CUX2: variants seen among roughly 807,000 people sequenced by gnomAD.
The protein encoded by CUX2 is homeobox protein cut-like 2.
A neutral mutation model predicts 144.8 loss-of-function variants in CUX2; 40 were observed. The ratio of observed to expected loss-of-function variants is 0.28; its 90% confidence interval spans 0.21 to 0.36. The LOEUF (loss-of-function observed/expected upper bound fraction) is 0.36. CUX2 is among the 10% of genes least tolerant of loss of function. The pLI is 1.00. For missense variants in CUX2, 1,615 were observed against 1,994.0 expected, an observed-to-expected ratio of 0.81 and a Z score of 3.62; for synonymous variants, 827 against 875.6, an observed-to-expected ratio of 0.94 and a Z score of 0.98.
intron 1 of CUX2, among the ~76,000 whole-genome samples, chr12:111,079,372 C>T (rs573119116): frequency 1.3e-5 from 2 of 152,220 alleles, no homozygotes; most frequent in East Asian, 1.9e-4. Context: ...CAGCATGGAC[C>T]TGTGGTGGCC....
chr12:111,292,317 T>G (rs983961820), intron 5 of CUX2, among the ~76,000 whole-genome samples: 1 of 151,822 alleles, frequency 6.6e-6, no homozygotes, highest in Non-Finnish European at 1.5e-5. Context: ...GCTGGCCAGG[T>G]GCAGTGGCTC....
At chr12:111,204,100 G>A (rs1199697929) in intron 1 of CUX2, among the ~76,000 whole-genome samples, 1 of 152,204 alleles carries the variant, frequency 6.6e-6, no homozygotes. Flanking sequence ...CCAGAGAGAG[G>A]TGATGCCCTG....
rs537655395 is a variant in CUX2, at chr12:111,294,233, G to A, written c.560+664G>A. Among the ~76,000 whole-genome samples the A allele has an allele frequency of 5.9e-5, 9 of 152,198 alleles. No homozygotes were observed. The South Asian group carries it at 1.2e-3, about 21-fold the overall frequency. ...AGCAATTCTCCTGCCTCAGCCTCCC[G>A]AGTAGCTGGGATTACAGGTGTGCAC... is the stretch of plus-strand genomic sequence containing the variant. On this transcript the variant is annotated intron_variant, in intron 6 of 21. Coordinates refer to ENST00000261726, the MANE Select transcript of CUX2 (RefSeq NM_015267.4).
intron 1 of CUX2, among the ~76,000 whole-genome samples, chr12:111,133,952 C>T (rs1443884609): frequency 3.3e-5 from 5 of 152,194 alleles, no homozygotes; most frequent in African/African-American, 1.2e-4. Context: ...TTCAGGGTTC[C>T]ATTCCATCAC....
At chr12:111,303,628 C>T (rs1164168463) in intron 9 of CUX2, among the ~76,000 whole-genome samples, 1 of 148,494 alleles carries the variant, frequency 6.7e-6, no homozygotes, top group Non-Finnish European at 1.5e-5. Flanking sequence ...AAGAGTGAGA[C>T]TCCATCTCAA....
intron 3 of CUX2, among the ~76,000 whole-genome samples, chr12:111,236,244 C>T (rs539758520): frequency 6.6e-6 from 1 of 152,268 alleles, no homozygotes; most frequent in African/African-American, 2.4e-5. Flanking sequence ...TCGTGCTGAA[C>T]CAACAGATTC....
chr12:111,175,028 C>CA (rs911274437), intron 1 of CUX2, among the ~76,000 whole-genome samples: 2 of 152,172 alleles, frequency 1.3e-5, no homozygotes, highest in Non-Finnish European at 2.9e-5. Flanking sequence ...AGCTCCCCCC[C>CA]ACACACAGAA....
chr12:111,314,596 C>T (rs779662744), intron 16 of CUX2, among the ~76,000 whole-genome samples: 3 of 138,824 alleles, frequency 2.2e-5, no homozygotes, highest in Non-Finnish European at 4.6e-5. Context: ...GCGGAGATCA[C>T]ACCACTACAC....
intron 4 of CUX2, among the ~76,000 whole-genome samples, chr12:111,278,995 G>A (rs1246285742): frequency 1.3e-5 from 2 of 152,192 alleles, no homozygotes; most frequent in Non-Finnish European, 1.5e-5. Flanking sequence ...AGGGAAGGTG[G>A]GAAGAAATGA....
At chr12:111,235,251 G>T (rs1418836329) in intron 3 of CUX2, among the ~76,000 whole-genome samples, 2 of 152,170 alleles carry the variant, frequency 1.3e-5, no homozygotes, top group African/African-American at 2.4e-5. Context: ...CAGGACACCA[G>T]GGTCCTGAAT....
At chr12:111,212,173 T>A (rs531743264) in intron 1 of CUX2, among the ~76,000 whole-genome samples, 1 of 152,300 alleles carries the variant, frequency 6.6e-6, no homozygotes, top group African/African-American at 2.4e-5. Context: ...ATATTTCGGT[T>A]GTGGTCAGTT....
intron 18 of CUX2, among the ~76,000 whole-genome samples, chr12:111,330,686 CATATATATATATATATATATAT>C (rs57018141): frequency 0.016 from 948 of 59,212 alleles, 21 homozygotes; most frequent in Non-Finnish European, 0.024. Flanking sequence ...AATACATATA[CATATATATATATATATATATAT>C]ATATATATAT....
At chr12:111,269,937 T>C (rs541196341) in intron 4 of CUX2, among the ~76,000 whole-genome samples, 1 of 152,206 alleles carries the variant, frequency 6.6e-6, no homozygotes, top group Non-Finnish European at 1.5e-5. Flanking sequence ...ACAAGGAGCC[T>C]TAACTGATGG....
intron 18 of CUX2, among the ~76,000 whole-genome samples, chr12:111,331,089 G>A (rs1888102241): frequency 6.6e-6 from 1 of 151,758 alleles, no homozygotes; most frequent in South Asian, 2.1e-4. Flanking sequence ...GGGAGTGAGG[G>A]AAATGCTGTA....
chr12:111,202,622 C>T (rs1416841854), intron 1 of CUX2, among the ~76,000 whole-genome samples: 1 of 152,168 alleles, frequency 6.6e-6, no homozygotes. Flanking sequence ...TGCCAAGCAT[C>T]GGGACACAGC....
At chr12:111,264,387 G>A (rs1884276982) in intron 4 of CUX2, among the ~76,000 whole-genome samples, 1 of 152,192 alleles carries the variant, frequency 6.6e-6, no homozygotes, top group Non-Finnish European at 1.5e-5. Context: ...ATGGATGGAT[G>A]CATAAACAAA....
At chr12:111,135,491 A>G (rs1875818710) in intron 1 of CUX2, among the ~76,000 whole-genome samples, 2 of 152,212 alleles carry the variant, frequency 1.3e-5, no homozygotes, top group East Asian at 1.9e-4. Flanking sequence ...AATATACCCA[A>G]AAAAATTGAA....
At chr12:111,081,235 A>C (rs1871869794) in intron 1 of CUX2, among the ~76,000 whole-genome samples, 1 of 152,182 alleles carries the variant, frequency 6.6e-6, no homozygotes, top group South Asian at 2.1e-4. Flanking sequence ...CCCCTCTGGG[A>C]GTCCAGCTTT....
Position 111,034,336 on chromosome 12 carries a change from T to A in CUX2, c.63+96T>A. On this transcript the variant is annotated intron_variant, in intron 1 of 21. Transcript: ENST00000261726. The surrounding 1 kb of genome is among the most constrained non-coding windows in gnomAD (Gnocchi z 4.2). The stretch of plus-strand genomic sequence containing the variant: ...TCCCCGGGCGGGCAGGCGGACGCCC[T>A]GGGGCGGCGGGCGGCGGCTGCCGGG... The A allele has an allele frequency of 1.5e-6, 1 of 666,246 alleles. No homozygotes were observed. The highest frequency in any genetic ancestry group is 1.9e-6 in the Non-Finnish European group (1 of 531,442). The allele number at this position is 666,246 out of a possible 1,614,324, so 41.3% of individuals were successfully genotyped here.
Sources: allele counts gnomAD v4.1 joint callset (sites outside exome capture counted in the v4.1 genomes callset), GRCh38; gene constraint gnomAD v4.1.1; non-coding constraint Gnocchi (gnomAD v3.1); transcripts MANE v1.5; gene names NCBI Gene and HGNC (gene_info 2026-07-23, HGNC 2026-07-21).